Variants in PTCHD4 observed in about 807,000 individuals in gnomAD.
PTCHD4 encodes patched domain containing 4.
Under a neutral mutation model 58.1 loss-of-function variants are expected in PTCHD4, and 33 were observed. The ratio of observed to expected loss-of-function variants is 0.57; its 90% CI spans 0.43 to 0.76. The LOEUF (loss-of-function observed/expected upper bound fraction) is 0.76. PTCHD4 is among the 30% of genes least tolerant of loss of function. PTCHD4 has a pLI of 0.00. For synonymous variants in PTCHD4, 478 were observed against 409.6 expected (o/e 1.17, Z -2.02); for missense variants, 1,058 against 1,027.1 (o/e 1.03, Z -0.41).
chr6:48,079,479 A>G (rs776978378), intron 1 of PTCHD4, among the ~76,000 whole-genome samples: 4 of 152,070 alleles, frequency 2.6e-5, no homozygotes, highest in African/African-American at 4.8e-5. Context: ...CAACATTCAT[A>G]TCACTGTAAA....
intron 3 of PTCHD4, among the ~76,000 whole-genome samples, chr6:48,065,281 C>T (rs889897715): frequency 3.9e-5 from 6 of 152,102 alleles, no homozygotes; most frequent in East Asian, 1.9e-4. Flanking sequence ...ATGCATCCAC[C>T]GCTATTTATT....
intron 4 of PTCHD4, among the ~76,000 whole-genome samples, chr6:47,948,233 C>T (rs537751774): frequency 1.6e-4 from 24 of 152,326 alleles, no homozygotes; most frequent in African/African-American, 4.6e-4. Context: ...GCCCTCAGCT[C>T]CTAGAGGCTA....
At chr6:48,077,737 T>C (rs567772133) in intron 1 of PTCHD4, among the ~76,000 whole-genome samples, 1 of 152,294 alleles carries the variant, frequency 6.6e-6, no homozygotes, top group African/African-American at 2.4e-5. Context: ...TATTGTTGTA[T>C]CTCAGGGGAA....
chr6:47,896,054 G>A (rs1387535658), intron 4 of PTCHD4, among the ~76,000 whole-genome samples: 18 of 152,176 alleles, frequency 1.2e-4, no homozygotes, highest in Admixed American at 8.5e-4. Context: ...AGATAAACTT[G>A]TTAAGCTCAA....
intron 3 of PTCHD4, among the ~76,000 whole-genome samples, chr6:48,042,291 G>A (rs1763875479): frequency 6.6e-6 from 1 of 151,994 alleles, no homozygotes; most frequent in Admixed American, 6.6e-5. Context: ...ATCAGGCAGT[G>A]TGCAGACAGG....
At chr6:47,921,185 C>T (rs1165127768) in intron 4 of PTCHD4, among the ~76,000 whole-genome samples, 3 of 152,156 alleles carry the variant, frequency 2.0e-5, no homozygotes, top group African/African-American at 7.2e-5. Flanking sequence ...TTATTATTAA[C>T]TCTGACACTT....
chr6:47,999,298 A>G (rs932317858), intron 4 of PTCHD4, among the ~76,000 whole-genome samples: 2 of 152,162 alleles, frequency 1.3e-5, no homozygotes, highest in African/African-American at 2.4e-5. Context: ...TAAGCATGGG[A>G]ATATTTTCAC....
intron 4 of PTCHD4, among the ~76,000 whole-genome samples, chr6:47,908,273 T>C (rs1764963172): frequency 6.6e-6 from 1 of 152,162 alleles, no homozygotes. Flanking sequence ...AATGTCCAGT[T>C]ACTATTATTA....
In PTCHD4 at chr6:47,929,777, G is replaced by A. The variant is rs193149119; in HGVS notation, c.899-49841C>T. On this transcript the variant is annotated intron_variant, in intron 4 of 4. Coordinates refer to ENST00000339488, the MANE Select transcript of PTCHD4 (RefSeq NM_001384253.1). ...TCTGTGTGCCAACACAAGCCATCCT[G>A]ACCATCCTGCTTACTGCCAGGTATT... Among the ~76,000 whole-genome samples, 15 of 152,298 alleles carry A rather than the reference G, an allele frequency of 9.8e-5. No individual in the cohort carries two copies. In the East Asian group the frequency reaches 2.7e-3, roughly 27 times the overall value.
intron 4 of PTCHD4, among the ~76,000 whole-genome samples, chr6:47,996,125 T>C (rs1416359583): frequency 6.6e-6 from 1 of 152,184 alleles, no homozygotes; most frequent in Non-Finnish European, 1.5e-5. Context: ...ACTAAATCTT[T>C]ACGGAAACTT....
intron 4 of PTCHD4, among the ~76,000 whole-genome samples, chr6:47,917,389 A>T (rs944217635): frequency 3.3e-5 from 5 of 152,176 alleles, no homozygotes; most frequent in African/African-American, 1.2e-4. Flanking sequence ...AGTCAGATTG[A>T]TGAAAATGCA....
intron 3 of PTCHD4, among the ~76,000 whole-genome samples, chr6:48,047,077 T>C (rs575742503): frequency 7.9e-5 from 12 of 151,890 alleles, no homozygotes; most frequent in Admixed American, 2.6e-4. Flanking sequence ...ACCAGAATGA[T>C]TTTTTCCCCC....
chr6:47,995,242 G>A (rs17659760), intron 4 of PTCHD4, among the ~76,000 whole-genome samples: 6,014 of 152,222 alleles, frequency 0.04, 180 homozygotes, highest in Non-Finnish European at 0.066. Context: ...AAAAGGAGGT[G>A]GCCAACATGG....
At position 47,862,707 on chromosome 6, in the gene PTCHD4, T is replaced by G. The variant is rs1220219628; in HGVS notation, c.*15596A>C. On this transcript the variant is annotated 3_prime_UTR_variant, in exon 5 of 5. Coordinates refer to ENST00000339488, the MANE Select transcript of PTCHD4 (RefSeq NM_001384253.1). ...TTTCTTCTATTAGGTTATAAATTAC[T>G]CAAATAGCTAGAAATCAGCAATATT... 6.6e-6 allele frequency among the ~76,000 whole-genome samples: 1 copy of G among 151,862 alleles called. No individual in the cohort carries two copies. The highest frequency in any genetic ancestry group is 2.4e-5 in the African/African-American group (1 of 41,404).
chr6:47,975,670 T>C (rs908473254), intron 4 of PTCHD4, among the ~76,000 whole-genome samples: 2 of 152,216 alleles, frequency 1.3e-5, no homozygotes, highest in African/African-American at 4.8e-5. Context: ...CGCCTCTTCC[T>C]GACTGTGCTA....
intron 3 of PTCHD4, among the ~76,000 whole-genome samples, chr6:48,030,044 C>T (rs190404408): frequency 6.6e-6 from 1 of 152,104 alleles, no homozygotes; most frequent in East Asian, 1.9e-4. Context: ...GGCTTGGCTT[C>T]CTATCCTTGA....
At chr6:47,895,152 A>G (rs376622993) in intron 4 of PTCHD4, among the ~76,000 whole-genome samples, 50 of 148,032 alleles carry the variant, frequency 3.4e-4, no homozygotes, top group South Asian at 2.0e-3. Context: ...AAAAAAAAAG[A>G]AACAATAATA....
At chr6:47,997,517 C>T (rs1768543433) in intron 4 of PTCHD4, among the ~76,000 whole-genome samples, 1 of 152,122 alleles carries the variant, frequency 6.6e-6, no homozygotes, top group Non-Finnish European at 1.5e-5. Context: ...TTGGCCTGGA[C>T]CTAGTCTTAT....
chr6:48,019,777 TA>T (rs1432025150), intron 3 of PTCHD4, among the ~76,000 whole-genome samples: 2 of 151,910 alleles, frequency 1.3e-5, no homozygotes, highest in Non-Finnish European at 2.9e-5. Flanking sequence ...TGGCAGTGAT[TA>T]ACACAAGATG....
Sources: gnomAD v4.1 joint callset for allele counts (sites outside exome capture counted in the v4.1 genomes callset) on GRCh38, gnomAD v4.1.1 for gene constraint, MANE v1.5 for transcripts, NCBI Gene and HGNC (gene_info 2026-07-23, HGNC 2026-07-21) for gene names.